The following CDK13 variants were observed in gnomAD, a reference collection of about 807,000 sequenced individuals.
CDK13 encodes cyclin dependent kinase 13, also known as cyclin-dependent kinase 13.
In CDK13, 40 loss-of-function variants were observed where a neutral mutation model predicts 137.6. That is an observed-to-expected ratio of 0.29 (90% CI 0.23 to 0.38). CDK13 has a LOEUF of 0.38. CDK13 is among the 10% of genes least tolerant of loss of function. The probability of loss-of-function intolerance (pLI) is 1.00; values close to 1 mark genes in which losing one functional copy is unlikely to be tolerated. For synonymous variants in CDK13, 869 were observed against 760.1 expected (o/e 1.14, Z -2.36); for missense variants, 1,704 against 1,951.8 (o/e 0.87, Z 2.39).
chr7:39,979,994 T>C (rs1171129883), intron 1 of CDK13, among the ~76,000 whole-genome samples: 1 of 152,140 alleles, frequency 6.6e-6, no homozygotes, highest in Non-Finnish European at 1.5e-5. Flanking sequence ...AAAGCTCTGG[T>C]GACATGTTGA....
intron 1 of CDK13, among the ~76,000 whole-genome samples, chr7:39,965,598 G>T (rs1262919866): frequency 6.6e-6 from 1 of 152,112 alleles, no homozygotes; most frequent in Non-Finnish European, 1.5e-5. Context: ...CTTTTAATTG[G>T]AGCATTTAGC....
At chr7:39,997,893 A>C (rs914768966) in intron 3 of CDK13, 7 of 429,786 alleles carry the variant, frequency 1.6e-5, no homozygotes, top group Admixed American at 4.2e-5. Flanking sequence ...TAATGTATTA[A>C]TTTCCTGGGG....
intron 7 of CDK13, among the ~76,000 whole-genome samples, chr7:40,059,965 G>T (rs759625995): frequency 3.3e-5 from 5 of 152,060 alleles, no homozygotes; most frequent in Non-Finnish European, 7.4e-5. Flanking sequence ...ATTTGGAAAG[G>T]CCATTAATTA....
At chr7:40,021,178 A>C (rs548294618) in intron 5 of CDK13, among the ~76,000 whole-genome samples, 69 of 147,980 alleles carry the variant, frequency 4.7e-4, no homozygotes, top group African/African-American at 6.4e-4. Flanking sequence ...AAATTCCCAA[A>C]GATCAGTTCA....
At chr7:40,022,896 A>C (rs1443314579) in intron 5 of CDK13, among the ~76,000 whole-genome samples, 6 of 147,812 alleles carry the variant, frequency 4.1e-5, no homozygotes, top group African/African-American at 1.5e-4. Context: ...AATGGTTTTG[A>C]ATTTCATATG....
rs1787054947 is a variant in CDK13, at chr7:40,096,660, C to G, written c.*1680C>G. 6.6e-6 allele frequency: 1 copy of G among 152,004 alleles called. No homozygotes were observed. Among genetic ancestry groups the G allele is most frequent in the Non-Finnish European group, 1.5e-5 (1 of 67,972 alleles). The allele number at this position is 152,004 out of a possible 1,614,324, so 9.4% of individuals were successfully genotyped here. A position where few individuals can be genotyped will look rare whatever the true frequency, so the allele number is the denominator to read the frequency against. ...GTTCTAAAGCCAGTTAACCCTGTGC[C>G]CTCTAACTTATGAACCTTCATTTCA... On this transcript the variant is annotated 3_prime_UTR_variant, in exon 14 of 14. Transcript: ENST00000181839.
chr7:40,075,748 C>G (rs1584074883), intron 9 of CDK13, among the ~76,000 whole-genome samples: 1 of 152,178 alleles, frequency 6.6e-6, no homozygotes, highest in Non-Finnish European at 1.5e-5. Context: ...GCGGCCCATG[C>G]TTGTAATCCC....
intron 1 of CDK13, among the ~76,000 whole-genome samples, chr7:39,982,504 G>A (rs2116241114): frequency 6.6e-6 from 1 of 152,140 alleles, no homozygotes; most frequent in South Asian, 2.1e-4. Context: ...ATAGCAGCAT[G>A]ATTTATAGTC....
chr7:40,084,126 C>T (rs978770992), intron 11 of CDK13, among the ~76,000 whole-genome samples: 1 of 152,156 alleles, frequency 6.6e-6, no homozygotes, highest in African/African-American at 2.4e-5. Context: ...GGACCTATCA[C>T]TTGAGGCCGG....
At chr7:39,955,078 T>C (rs915613850) in intron 1 of CDK13, among the ~76,000 whole-genome samples, 14 of 152,228 alleles carry the variant, frequency 9.2e-5, no homozygotes, top group African/African-American at 3.1e-4. Flanking sequence ...CTGTATAATC[T>C]GTTTGCCGTA....
At chr7:39,995,523 AAC>A (rs1440620871) in intron 2 of CDK13, among the ~76,000 whole-genome samples, 2 of 152,190 alleles carry the variant, frequency 1.3e-5, no homozygotes, top group African/African-American at 4.8e-5. Context: ...CTGTTTGTGT[AAC>A]ACTTTATCCT....
chr7:40,021,360 G>A (rs922765237), intron 5 of CDK13, among the ~76,000 whole-genome samples: 2 of 151,874 alleles, frequency 1.3e-5, no homozygotes, highest in Non-Finnish European at 2.9e-5. Flanking sequence ...AGCCGGCTTC[G>A]TGTTGCATGC....
At chr7:39,957,090 C>T (rs1021366174) in intron 1 of CDK13, among the ~76,000 whole-genome samples, 8 of 141,014 alleles carry the variant, frequency 5.7e-5, no homozygotes, top group African/African-American at 8.0e-5. Context: ...ATCCCACTGT[C>T]GTGTGTGTGT....
chr7:39,966,038 G>A (rs568984313), intron 1 of CDK13, among the ~76,000 whole-genome samples: 1 of 152,214 alleles, frequency 6.6e-6, no homozygotes, highest in Non-Finnish European at 1.5e-5. Context: ...TTTCTCTCTG[G>A]CTGCCCTTAA....
chr7:40,046,025 G>T lies in CDK13; in HGVS notation c.2543G>T (p.Arg848Ile). 1 of 1,493,656 alleles carries T rather than the reference G, an allele frequency of 6.7e-7. No homozygotes were observed. The highest frequency in any genetic ancestry group is 9.3e-7 in the Non-Finnish European group (1 of 1,075,452). 92.5% of individuals were successfully genotyped at this position (1,493,656 alleles called of 1,614,324 possible). Reference sequence around the variant, plus strand: ...TGTTCCAATATCCTTCTAAATAATAGGTATGGGTATGAACTTTATATATAT... The same window carrying T: ...TGTTCCAATATCCTTCTAAATAATATGTATGGGTATGAACTTTATATATAT... ...IKCSNILLNN[R>I]GQIKLADFGL... The change falls in exon 6 of 14, where the codon AGA becomes ATA. Residue 848 changes from arginine (R) to isoleucine (I), a missense_variant and splice_region_variant. Arg to Ile is a moderately conservative substitution (Grantham distance 97, BLOSUM62 -3). Transcript: ENST00000181839.
At chr7:40,033,855 C>T (rs1032733828) in intron 5 of CDK13, among the ~76,000 whole-genome samples, 1 of 152,180 alleles carries the variant, frequency 6.6e-6, no homozygotes, top group African/African-American at 2.4e-5. Flanking sequence ...TTTTTCCCTG[C>T]AGTGAGACAG....
Position 39,951,325 on chromosome 7 carries a change from C to G in CDK13, c.684C>G (p.Ala228=). Residue 228 remains alanine, a synonymous_variant, in exon 1 of 14, where the codon GCC becomes GCG. Coordinates refer to ENST00000181839, the MANE Select transcript of CDK13 (RefSeq NM_003718.5). The part of the protein sequence containing the change: ...RRDGQRGGSE[A]SKSRSRHSHS... ...ATGGGCAGCGCGGTGGCAGCGAGGCCTCCAAGTCCCGCAGCCGCCACAGCC... is the reference window on the plus strand; with the variant it reads ...ATGGGCAGCGCGGTGGCAGCGAGGCGTCCAAGTCCCGCAGCCGCCACAGCC... 7.0e-7 allele frequency: 1 copy of G among 1,429,622 alleles called. No homozygotes were observed. The highest frequency in any genetic ancestry group is 1.5e-5 in the South Asian group (1 of 68,914). The allele number at this position is 1,429,622 out of a possible 1,614,324, so 88.6% of individuals were successfully genotyped here.
chr7:40,096,071 C>G lies in CDK13; in HGVS notation c.*1091C>G, dbSNP rs1787040466. ...CATTTGCCATGGATAATTGGAGGGT[C>G]ATGGTATAGAAGCAAGAGTTAATAA... is the stretch of plus-strand genomic sequence containing the variant. On this transcript the variant is annotated 3_prime_UTR_variant, in exon 14 of 14. Transcript: ENST00000181839. The G allele has an allele frequency of 6.6e-6, 1 of 152,078 alleles. No individual in the cohort carries two copies. Among genetic ancestry groups the G allele is most frequent in the South Asian group, 2.1e-4 (1 of 4,828 alleles). The allele number at this position is 152,078 out of a possible 1,614,324, so 9.4% of individuals were successfully genotyped here.
intron 5 of CDK13, among the ~76,000 whole-genome samples, chr7:40,034,247 T>C (rs1235329111): frequency 6.6e-6 from 1 of 152,142 alleles, no homozygotes; most frequent in Non-Finnish European, 1.5e-5. Context: ...CTTTCTGCAG[T>C]TGTAAGTTGT....
Sources: gnomAD v4.1 joint callset for allele counts (sites outside exome capture counted in the v4.1 genomes callset) on GRCh38, gnomAD v4.1.1 for gene constraint, MANE v1.5 for transcripts, NCBI Gene and HGNC (gene_info 2026-07-23, HGNC 2026-07-21) for gene names.